PLCB1: variants seen among roughly 807,000 people sequenced by gnomAD.
PLCB1 encodes the protein 1-phosphatidylinositol 4,5-bisphosphate phosphodiesterase beta-1.
Under a neutral mutation model 161.8 loss-of-function variants are expected in PLCB1, and 46 were observed. The observed-to-expected ratio is 0.28, with a 90% CI of 0.22 to 0.36. The LOEUF (loss-of-function observed/expected upper bound fraction) is 0.36, where lower values mean the gene tolerates loss of function less well. Among genes scored for constraint, PLCB1 ranks in the 10% least tolerant of loss-of-function variants. PLCB1 has a pLI of 1.00. For missense variants in PLCB1, 1,016 were observed against 1,472.5 expected, an observed-to-expected ratio of 0.69 and a Z score of 5.07; for synonymous variants, 517 against 503.7, an observed-to-expected ratio of 1.03 and a Z score of -0.35.
At chr20:8,527,456 G>A (rs1984627400) in intron 3 of PLCB1, among the ~76,000 whole-genome samples, 1 of 152,108 alleles carries the variant, frequency 6.6e-6, no homozygotes, top group Non-Finnish European at 1.5e-5. Context: ...TACACTGAAT[G>A]TTTTACCATA....
chr20:8,751,383 T>A (rs1981473620), intron 23 of PLCB1: 1 of 152,306 alleles, frequency 6.6e-6, no homozygotes. Context: ...CCTAATTCTC[T>A]GCTGCTCAAC....
At chr20:8,705,449 A>C (rs992547459) in intron 11 of PLCB1, among the ~76,000 whole-genome samples, 1 of 152,218 alleles carries the variant, frequency 6.6e-6, no homozygotes, top group Non-Finnish European at 1.5e-5. Context: ...TTCTTACCTC[A>C]AGAAGTTTAC....
At chr20:8,498,331 A>G (rs74637425) in intron 3 of PLCB1, among the ~76,000 whole-genome samples, 1 of 151,938 alleles carries the variant, frequency 6.6e-6, no homozygotes, top group Non-Finnish European at 1.5e-5. Flanking sequence ...TCCTGACCTC[A>G]TGATCTGCCT....
rs145031962 is a variant in PLCB1 at position 8,569,669 on chromosome 20, A to G, written c.247-58625A>G. ...TGTATGCAATCACTGATATTTTTAT[A>G]ATCAATAAGATTAGGGTTGTTAAGG... On this transcript the variant is annotated intron_variant, in intron 3 of 31. Coordinates refer to ENST00000338037, the MANE Select transcript of PLCB1 (RefSeq NM_015192.4). Among the ~76,000 whole-genome samples the G allele has an allele frequency of 3.9e-3, 599 of 152,332 alleles. 1 individual carries two copies. Among genetic ancestry groups the G allele is most frequent in the African/African-American group, 0.014 (581 of 41,574 alleles).
At chr20:8,840,034 A>G (rs1009266474) in intron 31 of PLCB1, among the ~76,000 whole-genome samples, 3 of 70,658 alleles carry the variant, frequency 4.2e-5, no homozygotes, top group Admixed American at 2.1e-4. Flanking sequence ...CTGTCTCAGA[A>G]AAAAAAAAAA....
At chr20:8,580,336 A>T (rs1316673853) in intron 3 of PLCB1, among the ~76,000 whole-genome samples, 3 of 152,232 alleles carry the variant, frequency 2.0e-5, no homozygotes, top group Non-Finnish European at 4.4e-5. Context: ...GTTGCACTGT[A>T]CTTAAAGTCA....
chr20:8,270,020 A>G (rs1982198374), intron 2 of PLCB1, among the ~76,000 whole-genome samples: 1 of 152,182 alleles, frequency 6.6e-6, no homozygotes, highest in Non-Finnish European at 1.5e-5. Context: ...CATCAGTGGT[A>G]AAATTCACCT....
intron 2 of PLCB1, among the ~76,000 whole-genome samples, chr20:8,179,224 A>G (rs908260490): frequency 1.3e-5 from 2 of 152,210 alleles, no homozygotes; most frequent in Admixed American, 1.3e-4. Context: ...TGCTTTGGGC[A>G]GTATGGCCAG....
At chr20:8,610,907 C>T (rs376435107) in intron 3 of PLCB1, among the ~76,000 whole-genome samples, 57 of 151,732 alleles carry the variant, frequency 3.8e-4, no homozygotes, top group East Asian at 7.7e-4. Context: ...AGGGTCCAAG[C>T]TCATTATGAT....
intron 27 of PLCB1, among the ~76,000 whole-genome samples, chr20:8,783,789 C>A (rs925712777): frequency 1.3e-5 from 2 of 152,148 alleles, no homozygotes; most frequent in Non-Finnish European, 2.9e-5. Context: ...TTTTATTTCT[C>A]CATTGACATG....
chr20:8,348,519 T>C (rs776608424), intron 2 of PLCB1, among the ~76,000 whole-genome samples: 1 of 152,122 alleles, frequency 6.6e-6, no homozygotes, highest in Non-Finnish European at 1.5e-5. Flanking sequence ...CAATATGAAT[T>C]GTGTTGGAGC....
intron 31 of PLCB1, among the ~76,000 whole-genome samples, chr20:8,794,875 A>G (rs959339464): frequency 6.6e-6 from 1 of 152,224 alleles, no homozygotes; most frequent in African/African-American, 2.4e-5. Flanking sequence ...CTCAAAGTTA[A>G]CAGTTTTTCA....
At chr20:8,739,224 T>G in intron 20 of PLCB1, 37 bp from the exon 21 acceptor site, 2 of 1,167,876 alleles carry the variant, frequency 1.7e-6, no homozygotes, top group Non-Finnish European at 2.6e-6. Context: ...GAATTGTTCA[T>G]TCTTATAACC....
At chr20:8,695,396 T>C (rs958634064) in intron 10 of PLCB1, among the ~76,000 whole-genome samples, 1 of 152,216 alleles carries the variant, frequency 6.6e-6, no homozygotes, top group African/African-American at 2.4e-5. Flanking sequence ...ATCTTTTAAC[T>C]GGCTATTTAA....
At chr20:8,652,418 C>G (rs1989345293) in intron 7 of PLCB1, 1 of 152,038 alleles carries the variant, frequency 6.6e-6, no homozygotes, top group Admixed American at 6.6e-5. Flanking sequence ...TGTTTCAGAG[C>G]TAGGAAATAA....
At chr20:8,429,424 G>A (rs1354869885) in intron 3 of PLCB1, among the ~76,000 whole-genome samples, 1 of 151,988 alleles carries the variant, frequency 6.6e-6, no homozygotes, top group Non-Finnish European at 1.5e-5. Context: ...TGTTTTTTAG[G>A]TTGTGACCTA....
At position 8,200,956 on chromosome 20, in the gene PLCB1, TAA is replaced by T. The variant is rs201440293; in HGVS notation, c.177+50586_177+50587del. Among the ~76,000 whole-genome samples the T allele has an allele frequency of 7.7e-3, 1,173 of 152,258 alleles. 15 individuals carry two copies. The highest frequency in any genetic ancestry group is 0.025 in the African/African-American group (1,047 of 41,570). On this transcript the variant is annotated intron_variant, in intron 2 of 31. Transcript: ENST00000338037. ...GGATTTAGAAAAATTATACATAGGC[TAA>T]GTTTTGTCAAATGACTTCTCTGCAT...
chr20:8,875,577 G>T (rs1987752089), intron 31 of PLCB1, among the ~76,000 whole-genome samples: 1 of 148,978 alleles, frequency 6.7e-6, no homozygotes, highest in African/African-American at 2.4e-5. Flanking sequence ...TTTATATTAA[G>T]ATCTTTCATA....
At chr20:8,717,924 C>A in intron 14 of PLCB1, 76 bp downstream of exon 14, 1 of 1,306,808 alleles carries the variant, frequency 7.7e-7, no homozygotes, top group Non-Finnish European at 1.0e-6. Context: ...TGCGTGGTGG[C>A]TCATGCCTGT....
Sources: allele counts gnomAD v4.1 joint callset (sites outside exome capture counted in the v4.1 genomes callset), GRCh38; gene constraint gnomAD v4.1.1; transcripts MANE v1.5; gene names NCBI Gene and HGNC (gene_info 2026-07-23, HGNC 2026-07-21).